The following IFT80 variants were observed in gnomAD, a reference collection of about 807,000 sequenced individuals.
The protein encoded by IFT80 is intraflagellar transport 80.
A neutral mutation model predicts 107.9 loss-of-function variants in IFT80; 79 were observed. The ratio of observed to expected loss-of-function variants is 0.73; its 90% CI spans 0.61 to 0.88. The LOEUF is 0.88. Ranked by LOEUF, IFT80 falls within the 40% of genes least tolerant of loss-of-function variation. IFT80 has a pLI of 0.00. For synonymous variants in IFT80, 299 were observed against 300.9 expected, an observed-to-expected ratio of 0.99 and a Z score of 0.07; for missense variants, 797 against 914.2, an observed-to-expected ratio of 0.87 and a Z score of 1.65.
chr3:160,356,368 T>C (rs1356172930), intron 7 of IFT80, among the ~76,000 whole-genome samples: 1 of 152,190 alleles, frequency 6.6e-6, no homozygotes, highest in Non-Finnish European at 1.5e-5. Context: ...AACAAAGCTG[T>C]ATTCCTTTAA....
chr3:160,379,517 T>C (rs576464024), intron 3 of IFT80, among the ~76,000 whole-genome samples: 8 of 152,150 alleles, frequency 5.3e-5, no homozygotes, highest in Non-Finnish European at 1.0e-4. Flanking sequence ...AAAGTACATG[T>C]CTGCAAACTG....
At chr3:160,264,733 C>T (rs1182830460) in intron 19 of IFT80, among the ~76,000 whole-genome samples, 1 of 152,050 alleles carries the variant, frequency 6.6e-6, no homozygotes, top group Non-Finnish European at 1.5e-5. Flanking sequence ...AGCCACCGCA[C>T]CTTGCGGAAT....
At chr3:160,340,638 C>T (rs570886308) in intron 8 of IFT80, among the ~76,000 whole-genome samples, 2 of 152,290 alleles carry the variant, frequency 1.3e-5, no homozygotes, top group African/African-American at 4.8e-5. Flanking sequence ...ACCTTTAAAG[C>T]CAGCAACAGC....
intron 9 of IFT80, among the ~76,000 whole-genome samples, chr3:160,312,059 G>A (rs1268189507): frequency 6.6e-6 from 1 of 152,210 alleles, no homozygotes; most frequent in Non-Finnish European, 1.5e-5. Context: ...GGGATTACAG[G>A]CATGAGCTAC....
chr3:160,278,060 A>C (rs1444224884), intron 16 of IFT80, among the ~76,000 whole-genome samples: 1 of 152,208 alleles, frequency 6.6e-6, no homozygotes, highest in African/African-American at 2.4e-5. Flanking sequence ...GTTAAGAAGA[A>C]ATTACTTAGG....
chr3:160,265,883 A>G (rs998209154), intron 19 of IFT80, among the ~76,000 whole-genome samples: 6 of 152,212 alleles, frequency 3.9e-5, no homozygotes, highest in Non-Finnish European at 8.8e-5. Context: ...TTATATAATC[A>G]TAAGTCTGGC....
At chr3:160,305,686 A>T (rs1380472675) in intron 10 of IFT80, among the ~76,000 whole-genome samples, 1 of 152,136 alleles carries the variant, frequency 6.6e-6, no homozygotes, top group Non-Finnish European at 1.5e-5. Context: ...ATCAAATGAA[A>T]ATTTAATGTA....
At chr3:160,381,773 A>C in intron 2 of IFT80, 49 bp from the exon 3 acceptor site, 1 of 1,423,636 alleles carries the variant, frequency 7.0e-7, no homozygotes, top group South Asian at 1.1e-5. Context: ...CTTTAATCTT[A>C]ATGAATAATT....
At chr3:160,316,331 A>T (rs1717815989) in intron 9 of IFT80, among the ~76,000 whole-genome samples, 1 of 152,118 alleles carries the variant, frequency 6.6e-6, no homozygotes, top group Admixed American at 6.6e-5. Flanking sequence ...TTGAAAGCAA[A>T]TCTTTCCCCA....
At chr3:160,273,812 T>G (rs2108219401) in intron 18 of IFT80, among the ~76,000 whole-genome samples, 1 of 152,248 alleles carries the variant, frequency 6.6e-6, no homozygotes, top group South Asian at 2.1e-4. Context: ...GGAACAATGC[T>G]CTGGGATCTT....
At chr3:160,331,195 A>C (rs1472318727) in intron 8 of IFT80, among the ~76,000 whole-genome samples, 1 of 152,162 alleles carries the variant, frequency 6.6e-6, no homozygotes, top group African/African-American at 2.4e-5. Flanking sequence ...ACTTGAACGA[A>C]CACAAGCCCT....
Position 160,381,601 on chromosome 3 carries a change from G to C in IFT80, c.161C>G (p.Pro54Arg). Residue 54 changes from proline to arginine, a missense_variant, in exon 3 of 20, where the codon CCT (proline) becomes CGT (arginine). By Grantham distance (103) the Pro-to-Arg change is moderately radical. Coordinates refer to ENST00000326448, the MANE Select transcript of IFT80 (RefSeq NM_020800.3). ...AAAATCAATAGGGTAAATATCATCA[G>C]GAAGCTTTACTATTTGAGTTGTTTC... ...TSETTQIVKL[P>R]DDIYPIDFHW... The C allele has an allele frequency of 6.2e-7, 1 of 1,613,436 alleles. No individual in the cohort carries two copies. The highest frequency in any genetic ancestry group is 8.5e-7 in the Non-Finnish European group (1 of 1,179,870).
chr3:160,287,156 G>C (rs1033138924), intron 12 of IFT80, among the ~76,000 whole-genome samples: 2 of 152,156 alleles, frequency 1.3e-5, no homozygotes, highest in Non-Finnish European at 2.9e-5. Context: ...GAGCTGGGAA[G>C]GTGATGTGTC....
At chr3:160,261,126 T>A (rs149578568) in intron 19 of IFT80, among the ~76,000 whole-genome samples, 1 of 152,268 alleles carries the variant, frequency 6.6e-6, no homozygotes, top group African/African-American at 2.4e-5. Context: ...CTTGGCTCTC[T>A]ATGCTGTCTT....
chr3:160,257,569 C>T lies in IFT80; in HGVS notation c.*956G>A, dbSNP rs1202292743. 2.6e-5 allele frequency: 4 copies of T among 151,976 alleles called. No homozygotes were observed. The highest frequency in any genetic ancestry group is 9.7e-5 in the African/African-American group (4 of 41,378). 9.4% of individuals were successfully genotyped at this position (151,976 alleles called of 1,614,324 possible). Reference sequence around the variant, plus strand: ...GAGGAATGAGGAGAATCCTTCTTGCCCATTCTAGATATATTTTTTAAATTA... The same window carrying T: ...GAGGAATGAGGAGAATCCTTCTTGCTCATTCTAGATATATTTTTTAAATTA... On this transcript the variant is annotated 3_prime_UTR_variant, in exon 20 of 20. Coordinates refer to ENST00000326448, the MANE Select transcript of IFT80 (RefSeq NM_020800.3).
intron 10 of IFT80, 75 bp downstream of exon 10, chr3:160,307,588 T>C: frequency 3.5e-6 from 3 of 853,936 alleles, no homozygotes; most frequent in South Asian, 1.3e-5. Context: ...ACCACGCTGA[T>C]GTGAAATCCT....
intron 10 of IFT80, 51 bp downstream of exon 10, chr3:160,307,612 T>C (rs1233113421): frequency 1.0e-6 from 1 of 992,872 alleles, no homozygotes; most frequent in Non-Finnish European, 1.6e-6. Context: ...AATAAACTCC[T>C]CAGCACAGAC....
At chr3:160,368,244 GT>G (rs1399188373) in intron 5 of IFT80, among the ~76,000 whole-genome samples, 4 of 148,728 alleles carry the variant, frequency 2.7e-5, no homozygotes, top group Admixed American at 6.9e-5. Flanking sequence ...AAATGCTTTT[GT>G]TTAAGAGGTA....
At chr3:160,286,036 A>G (rs1040336736) in intron 12 of IFT80, among the ~76,000 whole-genome samples, 168 bp from the exon 13 acceptor site, 6 of 152,156 alleles carry the variant, frequency 3.9e-5, no homozygotes, top group African/African-American at 1.4e-4. Flanking sequence ...TCTTATGAAA[A>G]CAATAAAACT....
Sources: gnomAD v4.1 joint callset for allele counts (sites outside exome capture counted in the v4.1 genomes callset) on GRCh38, gnomAD v4.1.1 for gene constraint, MANE v1.5 for transcripts, NCBI Gene and HGNC (gene_info 2026-07-23, HGNC 2026-07-21) for gene names.